Variants in WNT3A observed in about 807,000 individuals in gnomAD.
The protein encoded by WNT3A is Wnt family member 3A, also known as protein Wnt-3a.
Under a neutral mutation model 37.0 loss-of-function variants are expected in WNT3A, and 17 were observed. That is an observed-to-expected ratio of 0.46 (90% CI 0.31 to 0.69). The LOEUF (loss-of-function observed/expected upper bound fraction) is 0.69, where lower values mean the gene tolerates loss of function less well. Ranked by LOEUF, WNT3A falls within the 30% of genes least tolerant of loss-of-function variation. The probability of loss-of-function intolerance (pLI) is 0.05; values close to 1 mark genes in which losing one functional copy is unlikely to be tolerated. For synonymous variants in WNT3A, 187 were observed against 211.0 expected, an observed-to-expected ratio of 0.89 and a Z score of 0.99; for missense variants, 411 against 510.2, an observed-to-expected ratio of 0.81 and a Z score of 1.87.
chr1:228,057,275 T>C (rs2031701527), intron 3 of WNT3A, among the ~76,000 whole-genome samples: 1 of 152,178 alleles, frequency 6.6e-6, no homozygotes, highest in South Asian at 2.1e-4. Context: ...GAAGTGTGCA[T>C]CAGTGTGGTG....
rs578146475 is a variant in WNT3A, at chr1:228,027,704, T to C, written c.313+4796T>C. On this transcript the variant is annotated intron_variant, in intron 2 of 3. Coordinates refer to ENST00000284523, the MANE Select transcript of WNT3A (RefSeq NM_033131.4). ...TGTCAAATGTATGCTTTGTGAATAT[T>C]TTCTCCCACTCTGTGGGTTGTCTGT... Among the ~76,000 whole-genome samples, 5 of 152,386 alleles carry C rather than the reference T, an allele frequency of 3.3e-5. No homozygotes were observed. The East Asian group carries it at 9.6e-4, about 29-fold the overall frequency.
At chr1:228,035,770 C>T (rs1402339646) in intron 2 of WNT3A, among the ~76,000 whole-genome samples, 2 of 152,142 alleles carry the variant, frequency 1.3e-5, no homozygotes. Flanking sequence ...GGCCTCTCTG[C>T]AAAGGGCTGA....
rs576871028 is a variant in WNT3A, at chr1:228,022,025, T to C, written c.72-642T>C. Among the ~76,000 whole-genome samples the C allele has an allele frequency of 4.6e-5, 7 of 152,354 alleles. 1 individual carries two copies. In the East Asian group the frequency reaches 1.3e-3, roughly 29 times the overall value. On this transcript the variant is annotated intron_variant, in intron 1 of 3. Transcript: ENST00000284523. ...TTGGGGATAGGGCAGGTCAGGGTCC[T>C]GGCCTTGTAAAATCAGACTTCCAGA...
At chr1:228,054,387 G>A (rs375358706) in intron 3 of WNT3A, among the ~76,000 whole-genome samples, 1 of 152,060 alleles carries the variant, frequency 6.6e-6, no homozygotes, top group East Asian at 1.9e-4. Context: ...CACTTTGGGA[G>A]GCCGAGGTGG....
intron 2 of WNT3A, among the ~76,000 whole-genome samples, chr1:228,041,670 C>G (rs1277628876): frequency 6.6e-6 from 1 of 152,158 alleles, no homozygotes; most frequent in African/African-American, 2.4e-5. Context: ...TGCCTCAGAG[C>G]TCATGTTGTC....
chr1:228,007,048 G>A lies in WNT3A; in HGVS notation c.-81G>A, dbSNP rs1013240514. 102 of 1,097,038 alleles carry A rather than the reference G, an allele frequency of 9.3e-5. No individual in the cohort carries two copies. The highest frequency in any genetic ancestry group is 1.2e-4 in the Non-Finnish European group (98 of 845,536). The allele number at this position is 1,097,038 out of a possible 1,614,324, so 68.0% of individuals were successfully genotyped here. On this transcript the variant is annotated 5_prime_UTR_variant, in exon 1 of 4. Transcript: ENST00000284523. The surrounding 1 kb of genome is among the most constrained non-coding windows in gnomAD (Gnocchi z 6.0). Reference sequence around the variant, plus strand: ...CAGGAGGGCCCAGCGACGCCGCCGCGCCAGCTCCCAGGGCCCGGCCCCCCC... The same window carrying A: ...CAGGAGGGCCCAGCGACGCCGCCGCACCAGCTCCCAGGGCCCGGCCCCCCC...
chr1:228,041,060 CATCT>C (rs1190425525), intron 2 of WNT3A, among the ~76,000 whole-genome samples: 1 of 145,026 alleles, frequency 6.9e-6, no homozygotes, highest in Non-Finnish European at 1.5e-5. Flanking sequence ...ATCTATCTAT[CATCT>C]ATCTATATCT....
chr1:228,046,307 G>A (rs763640472), intron 2 of WNT3A, among the ~76,000 whole-genome samples: 23 of 149,812 alleles, frequency 1.5e-4, no homozygotes, highest in Non-Finnish European at 3.1e-4. Flanking sequence ...GTGCACATGT[G>A]GAGGGGTGTG....
Position 228,059,175 on chromosome 1 carries a change from C to A in WNT3A, c.769C>A (p.Arg257=). ...RESRGWVETL[R]PRYTYFKVPT... ...GTCCCGCGGCTGGGTGGAGACCCTG[C>A]GGCCGCGCTACACCTACTTCAAGGT... Residue 257 remains arginine, a synonymous_variant, in exon 4 of 4, where the codon CGG becomes AGG. Transcript: ENST00000284523. 1 of 1,613,120 alleles carries A rather than the reference C, an allele frequency of 6.2e-7. No individual in the cohort carries two copies. The highest frequency in any genetic ancestry group is 8.5e-7 in the Non-Finnish European group (1 of 1,179,940).
rs2030250808 is a variant in WNT3A, at chr1:228,007,934, C to G, written c.71+735C>G. ...GGACCCTCAATCAGAAAGCGCTGTG[C>G]TGCGCCCTCCACACCAGAAAAGGCG... On this transcript the variant is annotated intron_variant, in intron 1 of 3. Transcript: ENST00000284523. This position sits in a 1 kb window ranked among gnomAD's most constrained non-coding sequence, Gnocchi z 6.0. Among the ~76,000 whole-genome samples, 2 of 152,232 alleles carry G rather than the reference C, an allele frequency of 1.3e-5. No individual in the cohort carries two copies. Among genetic ancestry groups the G allele is most frequent in the Admixed American group, 1.3e-4 (2 of 15,288 alleles).
chr1:228,036,033 G>A (rs917663220), intron 2 of WNT3A, among the ~76,000 whole-genome samples: 3 of 152,290 alleles, frequency 2.0e-5, no homozygotes, highest in East Asian at 1.9e-4. Flanking sequence ...GAAGGAGCCC[G>A]CCGGGTGCCT....
At chr1:228,047,805 G>C (rs977159661) in intron 2 of WNT3A, among the ~76,000 whole-genome samples, 9 of 152,038 alleles carry the variant, frequency 5.9e-5, no homozygotes, top group African/African-American at 1.5e-4. Flanking sequence ...GATAAAGAGT[G>C]GGGGAAGAGG....
chr1:228,035,715 G>T lies in WNT3A; in HGVS notation c.313+12807G>T, dbSNP rs569665926. On this transcript the variant is annotated intron_variant, in intron 2 of 3. Coordinates refer to ENST00000284523, the MANE Select transcript of WNT3A (RefSeq NM_033131.4). ...TGCCCTAAGGTGCCAGCGTTGGGTT[G>T]GGGCGGGGAGCCCCCATTTCCGGTT... Among the ~76,000 whole-genome samples the T allele has an allele frequency of 2.0e-5, 3 of 152,302 alleles. No homozygotes were observed. In the South Asian group the frequency reaches 6.2e-4, roughly 32 times the overall value.
At chr1:228,030,813 C>T (rs2030983047) in intron 2 of WNT3A, among the ~76,000 whole-genome samples, 1 of 152,252 alleles carries the variant, frequency 6.6e-6, no homozygotes, top group Admixed American at 6.5e-5. Context: ...CCCACGCTTG[C>T]TCCTATCCCC....
At chr1:228,055,182 ATAT>A (rs2031657492) in intron 3 of WNT3A, among the ~76,000 whole-genome samples, 13 of 26,106 alleles carry the variant, frequency 5.0e-4, no homozygotes, top group East Asian at 2.0e-3. Flanking sequence ...AAAAAAAAAT[ATAT>A]ATATATATAT....
chr1:228,028,464 G>A (rs1462054114), intron 2 of WNT3A, among the ~76,000 whole-genome samples: 2 of 151,826 alleles, frequency 1.3e-5, no homozygotes, highest in Non-Finnish European at 2.9e-5. Flanking sequence ...ACAATACCTG[G>A]CTAATTTTTT....
chr1:228,019,166 T>A (rs1007703514), intron 1 of WNT3A, among the ~76,000 whole-genome samples: 5 of 152,156 alleles, frequency 3.3e-5, no homozygotes, highest in Admixed American at 3.3e-4. Flanking sequence ...GAATGGAGGC[T>A]TCAGACTTGG....
chr1:228,057,427 T>C (rs2031703664), intron 3 of WNT3A, among the ~76,000 whole-genome samples: 1 of 152,218 alleles, frequency 6.6e-6, no homozygotes, highest in Admixed American at 6.5e-5. Context: ...AGGACCAGAA[T>C]TCCTGTTTAT....
At chr1:228,043,485 C>A (rs1428498748) in intron 2 of WNT3A, among the ~76,000 whole-genome samples, 1 of 152,240 alleles carries the variant, frequency 6.6e-6, no homozygotes, top group Non-Finnish European at 1.5e-5. Flanking sequence ...GATTTCCTGG[C>A]CTTCTGGGAT....
Sources: allele counts gnomAD v4.1 joint callset (sites outside exome capture counted in the v4.1 genomes callset), GRCh38; gene constraint gnomAD v4.1.1; non-coding constraint Gnocchi (gnomAD v3.1); transcripts MANE v1.5; gene names NCBI Gene and HGNC (gene_info 2026-07-23, HGNC 2026-07-21).